KIF21B: variants seen among roughly 807,000 people sequenced by gnomAD.
The protein encoded by KIF21B is kinesin-like protein KIF21B.
KIF21B carries 85 observed loss-of-function variants against 192.9 expected under a neutral mutation model. The observed-to-expected ratio is 0.44, with a 90% confidence interval of 0.37 to 0.53. KIF21B has a LOEUF of 0.53. Among genes scored for constraint, KIF21B ranks in the 20% least tolerant of loss-of-function variants. KIF21B has a pLI of 0.00. For missense variants in KIF21B, 1,716 were observed against 2,194.8 expected (o/e 0.78, Z 4.36); for synonymous variants, 832 against 884.6 (o/e 0.94, Z 1.05).
Position 200,998,463 on chromosome 1 carries a change from C to G in KIF21B, c.1998G>C (p.Gln666His). ...GCAGCAGAATCAGCTTTTCCTCATA[C>G]TGGTGCTTGAGCGTCTGCAACCGCC... ...SQRRLQTLKHQYEEKLILLQN... is the reference protein window; with the variant it reads ...SQRRLQTLKHHYEEKLILLQN... The change falls in exon 14 of 35, where the codon CAG (glutamine) becomes CAC (histidine). Residue 666 changes from glutamine (Q) to histidine (H), a missense_variant. Physicochemically the swap from Gln to His is conservative, Grantham distance 24. Around this residue, in one of 3 missense-constraint regions of KIF21B, gnomAD observed 1,087 missense variants for 1,316.6 expected, o/e 0.83. Transcript: ENST00000461742. The surrounding 1 kb of genome is among the most constrained non-coding windows in gnomAD (Gnocchi z 4.3). 4 of 1,614,134 alleles carry G rather than the reference C, an allele frequency of 2.5e-6. No individual in the cohort carries two copies. The highest frequency in any genetic ancestry group is 1.7e-6 in the Non-Finnish European group (2 of 1,180,044).
Position 200,991,085 on chromosome 1 carries a change from T to G in KIF21B, c.2519A>C (p.Lys840Thr). The change falls in exon 18 of 35, where the codon AAG becomes ACG. Residue 840 changes from lysine to threonine, a missense_variant. By Grantham distance (78) the Lys-to-Thr change is moderately conservative. Coordinates refer to ENST00000461742, the MANE Select transcript of KIF21B (RefSeq NM_001252102.2). ...SERVAGRAGLKPPMLDSGAEV... is the reference protein window; with the variant it reads ...SERVAGRAGLTPPMLDSGAEV... The stretch of plus-strand genomic sequence containing the variant: ...AGCCCCAGAGTCCAGCATGGGTGGC[T>G]TTAGTCCTGCACGCCCTGCCACCCG... 2 of 1,614,016 alleles carry G rather than the reference T, an allele frequency of 1.2e-6. No individual in the cohort carries two copies. The highest frequency in any genetic ancestry group is 1.7e-6 in the Non-Finnish European group (2 of 1,180,020).
intron 5 of KIF21B, among the ~76,000 whole-genome samples, 158 bp from the exon 6 acceptor site, chr1:201,005,091 C>G (rs1213378971): frequency 1.3e-5 from 2 of 152,274 alleles, no homozygotes; most frequent in Non-Finnish European, 2.9e-5. Context: ...TTTGCACAAG[C>G]CTGATTTCCA....
Position 201,002,313 on chromosome 1 carries a change from T to C in KIF21B, c.1250A>G (p.Tyr417Cys). Residue 417 changes from tyrosine (Y) to cysteine (C), a missense_variant, in exon 9 of 35, where the codon TAT (tyrosine) becomes TGT (cysteine). By Grantham distance (194) the Tyr-to-Cys change is radical. Around this residue, in one of 3 missense-constraint regions of KIF21B, gnomAD observed 1,087 missense variants for 1,316.6 expected, o/e 0.83. Transcript: ENST00000461742. ...GGCATTCTCTCGGAACAGATCACTATAGCCCTCAGCGCCATCCTCTCCTAT... is the reference window on the plus strand; with the variant it reads ...GGCATTCTCTCGGAACAGATCACTACAGCCCTCAGCGCCATCCTCTCCTAT... The part of the protein sequence containing the change: ...RVIGEDGAEG[Y>C]SDLFRENAML... The C allele has an allele frequency of 6.2e-7, 1 of 1,614,208 alleles. No homozygotes were observed. Among genetic ancestry groups the C allele is most frequent in the Non-Finnish European group, 8.5e-7 (1 of 1,180,038 alleles).
At chr1:200,989,890 C>A in intron 21 of KIF21B, 52 bp downstream of exon 21, 1 of 1,429,358 alleles carries the variant, frequency 7.0e-7, no homozygotes. Flanking sequence ...GGGTATATCA[C>A]AGAGGCATCT....
Position 201,004,383 on chromosome 1 carries a change from AGTCCCT to A in KIF21B, c.967_972del (p.Arg323_Asp324del). 1 of 1,579,554 alleles carries A rather than the reference AGTCCCT, an allele frequency of 6.3e-7. No individual in the cohort carries two copies. The highest frequency in any genetic ancestry group is 8.6e-7 in the Non-Finnish European group (1 of 1,161,960). On this transcript the variant is annotated inframe_deletion, in exon 7 of 35. Coordinates refer to ENST00000461742, the MANE Select transcript of KIF21B (RefSeq NM_001252102.2). ...TCCTGGAGGAGCCGAGTGAGCTTGGAGTCCCTGTAGGGAACGTGCACCACCTTCTTG... is the reference window on the plus strand; with the variant it reads ...TCCTGGAGGAGCCGAGTGAGCTTGGAGTAGGGAACGTGCACCACCTTCTTG...
At chr1:200,997,134 C>T (rs1001714078) in intron 14 of KIF21B, among the ~76,000 whole-genome samples, 1 of 152,210 alleles carries the variant, frequency 6.6e-6, no homozygotes. Flanking sequence ...CATGCAGCAG[C>T]CAGAGTAGTC....
rs776939102 is a variant in KIF21B, at chr1:200,977,230, C to T, written c.4307G>A (p.Arg1436His). 6.8e-6 allele frequency: 11 copies of T among 1,612,646 alleles called. No homozygotes were observed. The highest frequency in any genetic ancestry group is 3.3e-5 in the South Asian group (3 of 91,036). Reference protein sequence around the residue: ...MLYAASGNAVRIWELSRFQPV... With the variant: ...MLYAASGNAVHIWELSRFQPV... ...CGCTGACCTGCTAAGCTCCCAGATG[C>T]GGACGGCATTGCCCGAGGCGGCGTA... The change falls in exon 31 of 35, where the codon CGC becomes CAC. Residue 1436 changes from arginine to histidine, a missense_variant. Around this residue, in one of 3 missense-constraint regions of KIF21B, gnomAD observed 580 missense variants for 775.5 expected, o/e 0.75. Transcript: ENST00000461742.
chr1:200,990,780 A>G lies in KIF21B; in HGVS notation c.2688-57T>C, dbSNP rs1309638523. Reference sequence around the variant, plus strand: ...GACTCCTTTTAACCTCTGCAGCTCCACTGAGCCCCCATCTGGAGCTGACAG... The same window carrying G: ...GACTCCTTTTAACCTCTGCAGCTCCGCTGAGCCCCCATCTGGAGCTGACAG... On this transcript the variant is annotated intron_variant, in intron 18 of 34. Coordinates refer to ENST00000461742, the MANE Select transcript of KIF21B (RefSeq NM_001252102.2). The surrounding 1 kb of genome is among the most constrained non-coding windows in gnomAD (Gnocchi z 5.4). The G allele has an allele frequency of 4.4e-6, 7 of 1,602,808 alleles. No homozygotes were observed. The African/African-American group carries it at 9.4e-5, about 21-fold the overall frequency.
chr1:201,012,426 G>C (rs1658289747), intron 1 of KIF21B, among the ~76,000 whole-genome samples: 1 of 152,252 alleles, frequency 6.6e-6, no homozygotes, highest in African/African-American at 2.4e-5. Context: ...CCATGTGCTA[G>C]CGCTGGCTCA....
chr1:201,013,261 A>G (rs968332166), intron 1 of KIF21B, among the ~76,000 whole-genome samples: 2 of 152,256 alleles, frequency 1.3e-5, no homozygotes, highest in African/African-American at 4.8e-5. Context: ...TTTACGAGCC[A>G]CTGCTTCCTT....
Position 201,004,943 on chromosome 1 carries a change from AAGTC to A in KIF21B, c.733-14_733-11del. 6.2e-7 allele frequency: 1 copy of A among 1,601,582 alleles called. No homozygotes were observed. Among genetic ancestry groups the A allele is most frequent in the East Asian group, 2.2e-5 (1 of 44,604 alleles). On this transcript the variant is annotated splice_polypyrimidine_tract_variant and intron_variant, in intron 5 of 34. Transcript: ENST00000461742. ...TCACCGCCTCATTCACCTGCAGCAG[AAGTC>A]AGCTCTGACTCACCCAGCCCTCGCC...
At chr1:201,010,036 C>G (rs1482398420) in intron 1 of KIF21B, among the ~76,000 whole-genome samples, 3 of 152,218 alleles carry the variant, frequency 2.0e-5, no homozygotes, top group African/African-American at 4.8e-5. Context: ...GATGCTCCCA[C>G]AGCTCTGGGC....
At position 201,003,362 on chromosome 1, in the gene KIF21B, A is replaced by G. The variant is rs1657608868; in HGVS notation, c.1212+224T>C. On this transcript the variant is annotated intron_variant, in intron 8 of 34. Transcript: ENST00000461742. The stretch of plus-strand genomic sequence containing the variant: ...TCTTTCTTGGACTTAGTATTCTAAA[A>G]TCTTGAGGGCTCAGACTATGCTTGA... The G allele has an allele frequency of 5.1e-6, 3 of 591,700 alleles. No homozygotes were observed. In the Admixed American group the frequency reaches 8.9e-5, roughly 17 times the overall value. The allele number at this position is 591,700 out of a possible 1,614,324, so 36.7% of individuals were successfully genotyped here.
rs1657934002 is a variant in KIF21B at position 201,007,367 on chromosome 1, CACACAG to C, written c.447+1396_447+1401del. On this transcript the variant is annotated intron_variant, in intron 3 of 34. Transcript: ENST00000461742. ...ACAGAGACACATAGACACACACACA[CACACAG>C]AGACAGAGACACACAGACACACACA... Among the ~76,000 whole-genome samples the C allele has an allele frequency of 1.4e-3, 139 of 100,198 alleles. 1 individual carries two copies. Among genetic ancestry groups the C allele is most frequent in the Non-Finnish European group, 2.2e-3 (100 of 46,060 alleles). The allele number at this position is 100,198 out of a possible 152,430, so 65.7% of individuals were successfully genotyped here.
chr1:200,984,729 C>A (rs1376012179), intron 27 of KIF21B, 130 bp downstream of exon 27: 2 of 589,258 alleles, frequency 3.4e-6, no homozygotes, highest in Middle Eastern at 2.7e-4. Context: ...AGGGCCTCAG[C>A]TCTTGGAGGG....
chr1:200,988,634 C>A, intron 22 of KIF21B, 90 bp from the exon 23 acceptor site: 3 of 1,457,916 alleles, frequency 2.1e-6, no homozygotes, highest in Non-Finnish European at 2.8e-6. Flanking sequence ...ATATCTCACC[C>A]ACTGGAATCA....
Position 201,023,235 on chromosome 1 carries a change from G to A in KIF21B, c.41+108C>T, listed in dbSNP as rs1303400019. The A allele has an allele frequency of 3.2e-6, 3 of 931,710 alleles. No individual in the cohort carries two copies. Among genetic ancestry groups the A allele is most frequent in the Non-Finnish European group, 4.5e-6 (3 of 671,348 alleles). The allele number at this position is 931,710 out of a possible 1,614,324, so 57.7% of individuals were successfully genotyped here. A position where few individuals can be genotyped will look rare whatever the true frequency, so the allele number is the denominator to read the frequency against. On this transcript the variant is annotated intron_variant, in intron 1 of 34. Coordinates refer to ENST00000461742, the MANE Select transcript of KIF21B (RefSeq NM_001252102.2). This position sits in a 1 kb window ranked among gnomAD's most constrained non-coding sequence, Gnocchi z 5.9. ...CCGTCCCACGCCGGCCCCTCCTCCG[G>A]GAGTGCAGGCTCCAGCCCAAGCGGT... is the stretch of plus-strand genomic sequence containing the variant.
In KIF21B at chr1:200,999,528, T is replaced by G. The variant is rs1571946111; in HGVS notation, c.1768-62A>C. On this transcript the variant is annotated intron_variant, in intron 12 of 34. Coordinates refer to ENST00000461742, the MANE Select transcript of KIF21B (RefSeq NM_001252102.2). This position sits in a 1 kb window ranked among gnomAD's most constrained non-coding sequence, Gnocchi z 4.7. ...AGAGAGGGGAGCCCAGAAGCAGAGG[T>G]GCATCCCGACACAATGCCTCAGGTG... The G allele has an allele frequency of 6.3e-7, 1 of 1,584,084 alleles. No homozygotes were observed. Among genetic ancestry groups the G allele is most frequent in the South Asian group, 1.2e-5 (1 of 85,000 alleles).
chr1:201,008,350 T>C lies in KIF21B; in HGVS notation c.447+419A>G, dbSNP rs148763975. Among the ~76,000 whole-genome samples, 194 of 152,094 alleles carry C rather than the reference T, an allele frequency of 1.3e-3. 1 individual carries two copies. Among genetic ancestry groups the C allele is most frequent in the Non-Finnish European group, 2.5e-3 (167 of 67,962 alleles). On this transcript the variant is annotated intron_variant, in intron 3 of 34. Transcript: ENST00000461742. ...GCATCTGAGCCAGAAAGGGGCAGGATAGGATGCCCTGAGGCTGAGGGGGAA... is the reference window on the plus strand; with the variant it reads ...GCATCTGAGCCAGAAAGGGGCAGGACAGGATGCCCTGAGGCTGAGGGGGAA...
Sources: allele counts gnomAD v4.1 joint callset (sites outside exome capture counted in the v4.1 genomes callset), GRCh38; gene constraint gnomAD v4.1.1; regional missense constraint gnomAD v4.1.1; non-coding constraint Gnocchi (gnomAD v3.1); transcripts MANE v1.5; gene names NCBI Gene and HGNC (gene_info 2026-07-23, HGNC 2026-07-21).